SYT14: variants seen among roughly 807,000 people sequenced by gnomAD.
SYT14 encodes the protein synaptotagmin 14.
A neutral mutation model predicts 74.2 loss-of-function variants in SYT14; 32 were observed. The observed-to-expected ratio is 0.43, with a 90% CI of 0.33 to 0.58. The LOEUF (loss-of-function observed/expected upper bound fraction) is 0.58, where lower values mean the gene tolerates loss of function less well. Among genes scored for constraint, SYT14 ranks in the 20% least tolerant of loss-of-function variants. The pLI is 0.05. For missense variants in SYT14, 791 were observed against 981.8 expected, an observed-to-expected ratio of 0.81 and a Z score of 2.60; for synonymous variants, 298 against 337.7, an observed-to-expected ratio of 0.88 and a Z score of 1.29.
At chr1:209,991,134 A>G (rs2079678014) in intron 2 of SYT14, among the ~76,000 whole-genome samples, 2 of 152,196 alleles carry the variant, frequency 1.3e-5, no homozygotes, top group South Asian at 4.1e-4. Context: ...ATAACTCAAG[A>G]TGGATTAAAG....
exon 10 of SYT14, chr1:210,164,638 C>T (rs906311559): frequency 6.6e-6 from 1 of 152,026 alleles, no homozygotes; most frequent in Non-Finnish European, 1.5e-5. Context: ...ACAGTGGTCA[C>T]CACCAAGTAT....
intron 2 of SYT14, among the ~76,000 whole-genome samples, chr1:209,998,345 G>C (rs1026128980): frequency 6.6e-6 from 1 of 152,018 alleles, no homozygotes; most frequent in African/African-American, 2.4e-5. Context: ...TGGATTGGAA[G>C]AGTTAATATT....
exon 10 of SYT14, chr1:210,163,171 CAG>C: frequency 2.2e-6 from 1 of 453,370 alleles, no homozygotes; most frequent in Non-Finnish European, 4.4e-6. Context: ...GTAACTGTAA[CAG>C]AGCTTAGTGA....
intron 5 of SYT14, among the ~76,000 whole-genome samples, chr1:210,040,524 AAAAG>A (rs1338799438): frequency 6.6e-6 from 1 of 152,146 alleles, no homozygotes; most frequent in Admixed American, 6.6e-5. Flanking sequence ...TTAAAAAAAA[AAAAG>A]AAACCAAAGT....
chr1:209,995,232 T>G (rs2079766772), intron 2 of SYT14, among the ~76,000 whole-genome samples: 1 of 152,190 alleles, frequency 6.6e-6, no homozygotes, highest in South Asian at 2.1e-4. Context: ...AACCATCTGT[T>G]GTCTTCAACA....
chr1:210,043,495 A>C (rs966069114), intron 5 of SYT14, among the ~76,000 whole-genome samples: 1 of 152,226 alleles, frequency 6.6e-6, no homozygotes, highest in African/African-American at 2.4e-5. Flanking sequence ...TAATTGGAAA[A>C]TGTTGTTATG....
chr1:210,074,044 A>G (rs1270184089), intron 5 of SYT14, among the ~76,000 whole-genome samples: 1 of 152,162 alleles, frequency 6.6e-6, no homozygotes, highest in Admixed American at 6.5e-5. Flanking sequence ...ATTAATCTGA[A>G]AACAAATTTA....
intron 7 of SYT14, among the ~76,000 whole-genome samples, chr1:210,141,691 C>T (rs918640582): frequency 5.9e-5 from 9 of 152,192 alleles, no homozygotes; most frequent in Non-Finnish European, 1.2e-4. Context: ...ACAGAGATTT[C>T]ATTAAGTCTT....
intron 2 of SYT14, among the ~76,000 whole-genome samples, chr1:210,002,788 G>C (rs1335996990): frequency 2.0e-5 from 3 of 151,848 alleles, no homozygotes; most frequent in Non-Finnish European, 1.5e-5. Flanking sequence ...TTACTGTGCT[G>C]TCTTTAAAAA....
At chr1:210,114,104 GAGTC>G (rs1300907663) in intron 7 of SYT14, among the ~76,000 whole-genome samples, 2 of 151,456 alleles carry the variant, frequency 1.3e-5, no homozygotes, top group Non-Finnish European at 2.9e-5. Flanking sequence ...ATCTGGGAAG[GAGTC>G]AGTCAGAGAG....
At chr1:210,149,166 T>C (rs892866957) in intron 7 of SYT14, among the ~76,000 whole-genome samples, 10 of 150,118 alleles carry the variant, frequency 6.7e-5, no homozygotes, top group Non-Finnish European at 2.9e-5. Context: ...ACATAAATTT[T>C]GATTATAGCA....
intron 5 of SYT14, among the ~76,000 whole-genome samples, chr1:210,065,270 G>A (rs1299312417): frequency 1.3e-5 from 2 of 152,044 alleles, no homozygotes; most frequent in East Asian, 3.9e-4. Flanking sequence ...ACATGTCATG[G>A]GAGGAACCCA....
At chr1:210,086,498 C>T (rs762861779) in intron 5 of SYT14, among the ~76,000 whole-genome samples, 1 of 152,186 alleles carries the variant, frequency 6.6e-6, no homozygotes, top group Non-Finnish European at 1.5e-5. Flanking sequence ...GTCCTTTTGA[C>T]ATATCCCCAT....
At chr1:209,976,565 G>A (rs2079369024) in intron 2 of SYT14, among the ~76,000 whole-genome samples, 1 of 151,524 alleles carries the variant, frequency 6.6e-6, no homozygotes, top group South Asian at 2.1e-4. Flanking sequence ...TGTGGTCTGA[G>A]AGACAGTTTG....
rs567486740 is a variant in SYT14 at position 210,019,896 on chromosome 1, G to A, written c.1097-1143G>A. Among the ~76,000 whole-genome samples, 3 of 152,194 alleles carry A rather than the reference G, an allele frequency of 2.0e-5. No individual in the cohort carries two copies. In the South Asian group the frequency reaches 6.2e-4, roughly 32 times the overall value. ...AAGTGGTTACCTTTTTAAAAAACTG[G>A]TAATAACTAGTGCTTTTTAGAACAA... is the stretch of plus-strand genomic sequence containing the variant. On this transcript the variant is annotated intron_variant, in intron 4 of 9. Transcript: ENST00000637265.
chr1:210,159,535 T>A, intron 9 of SYT14, 58 bp downstream of exon 8: 1 of 1,473,422 alleles, frequency 6.8e-7, no homozygotes, highest in Non-Finnish European at 9.3e-7. Flanking sequence ...CAAAATACCC[T>A]AAAACTTGCC....
chr1:209,990,924 T>C (rs1322194220), intron 2 of SYT14, among the ~76,000 whole-genome samples: 1 of 152,042 alleles, frequency 6.6e-6, no homozygotes, highest in African/African-American at 2.4e-5. Flanking sequence ...AATAGCATGG[T>C]ATAAAAATAG....
chr1:210,135,290 T>C (rs1021125745), intron 7 of SYT14, among the ~76,000 whole-genome samples: 4 of 151,924 alleles, frequency 2.6e-5, no homozygotes, highest in Non-Finnish European at 5.9e-5. Context: ...CTTCCCTGTC[T>C]TTTTTTTCCT....
intron 7 of SYT14, among the ~76,000 whole-genome samples, chr1:210,130,212 C>G (rs1374315490): frequency 2.0e-5 from 3 of 152,010 alleles, no homozygotes; most frequent in Non-Finnish European, 4.4e-5. Context: ...TTTCATTGCC[C>G]TTGGCTTCTT....
Sources: allele counts gnomAD v4.1 joint callset (sites outside exome capture counted in the v4.1 genomes callset), GRCh38; gene constraint gnomAD v4.1.1; transcripts MANE v1.5; gene names NCBI Gene and HGNC (gene_info 2026-07-23, HGNC 2026-07-21).